Variants in ZSWIM6 observed in about 807,000 individuals in gnomAD.
ZSWIM6 encodes zinc finger SWIM-type containing 6.
A neutral mutation model predicts 113.2 loss-of-function variants in ZSWIM6; 9 were observed. The observed-to-expected ratio is 0.08, with a 90% CI of 0.05 to 0.14. ZSWIM6 has a LOEUF of 0.14. Ranked by LOEUF, ZSWIM6 falls within the 10% of genes least tolerant of loss-of-function variation. The pLI is 1.00. For synonymous variants in ZSWIM6, 611 were observed against 606.5 expected (o/e 1.01, Z -0.11); for missense variants, 1,162 against 1,552.2 (o/e 0.75, Z 4.22).
chr5:61,358,790 C>A (rs925624451), intron 1 of ZSWIM6, among the ~76,000 whole-genome samples: 1 of 152,174 alleles, frequency 6.6e-6, no homozygotes, highest in African/African-American at 2.4e-5. Flanking sequence ...GGTGCTGAGC[C>A]AGACGCTATA....
Position 61,332,485 on chromosome 5 carries a change from C to G in ZSWIM6, c.213C>G (p.Thr71=). Residue 71 remains threonine, a synonymous_variant, in exon 1 of 14, where the codon ACC becomes ACG. Coordinates refer to ENST00000252744, the MANE Select transcript of ZSWIM6 (RefSeq NM_020928.2). ...AALGLLPPGK[T]QSPESLLDIA... ...TGGGGTTGCTGCCGCCGGGCAAGAC[C>G]CAGAGCCCCGAGTCGCTGCTGGACA... The G allele has an allele frequency of 8.1e-7, 1 of 1,232,908 alleles. No individual in the cohort carries two copies. The highest frequency in any genetic ancestry group is 1.0e-6 in the Non-Finnish European group (1 of 957,716). The allele number at this position is 1,232,908 out of a possible 1,614,324, so 76.4% of individuals were successfully genotyped here.
rs1198755037 is a variant in ZSWIM6, at chr5:61,543,548, A to G, written c.2879A>G (p.Asn960Ser). The G allele has an allele frequency of 3.9e-6, 6 of 1,551,244 alleles. No homozygotes were observed. Among genetic ancestry groups the G allele is most frequent in the South Asian group, 1.2e-5 (1 of 84,032 alleles). Reference sequence around the variant, plus strand: ...ATAGTTGCAACTACCGTGATGTCCAACAGCACCATCGTCCGCCTCCACCTG... The same window carrying G: ...ATAGTTGCAACTACCGTGATGTCCAGCAGCACCATCGTCCGCCTCCACCTG... ...TSIVATTVMS[N>S]STIVRLHLDC... is the part of the protein sequence containing the mutation. The change falls in exon 14 of 14, where the codon AAC (asparagine) becomes AGC (serine). Residue 960 changes from asparagine (N) to serine (S), a missense_variant. Coordinates refer to ENST00000252744, the MANE Select transcript of ZSWIM6 (RefSeq NM_020928.2). This position sits in a 1 kb window ranked among gnomAD's most constrained non-coding sequence, Gnocchi z 4.3.
At chr5:61,510,430 G>T (rs953827238) in intron 4 of ZSWIM6, among the ~76,000 whole-genome samples, 1 of 151,798 alleles carries the variant, frequency 6.6e-6, no homozygotes, top group Non-Finnish European at 1.5e-5. Flanking sequence ...TCTCTGACTG[G>T]CTAGGTGTAA....
intron 1 of ZSWIM6, among the ~76,000 whole-genome samples, chr5:61,470,088 CTTAA>C (rs1305101889): frequency 6.6e-6 from 1 of 152,164 alleles, no homozygotes; most frequent in Non-Finnish European, 1.5e-5. Context: ...CGCTTGGATC[CTTAA>C]TTGTCTTGGC....
At chr5:61,514,891 G>T (rs1193302369) in intron 4 of ZSWIM6, among the ~76,000 whole-genome samples, 1 of 152,060 alleles carries the variant, frequency 6.6e-6, no homozygotes, top group East Asian at 1.9e-4. Flanking sequence ...GCCTCATACA[G>T]TGGGAACCCT....
chr5:61,431,196 C>T lies in ZSWIM6; in HGVS notation c.677-41485C>T, dbSNP rs1206207601. 8.7e-5 allele frequency among the ~76,000 whole-genome samples: 13 copies of T among 150,024 alleles called. 1 individual carries two copies. Among genetic ancestry groups the T allele is most frequent in the Admixed American group, 8.6e-4 (13 of 15,030 alleles). Reference sequence around the variant, plus strand: ...ACCAGCCTGGCCAACATGATGAAACCCTGTCTCTACTAAAATACAGAAAAA... The same window carrying T: ...ACCAGCCTGGCCAACATGATGAAACTCTGTCTCTACTAAAATACAGAAAAA... On this transcript the variant is annotated intron_variant, in intron 1 of 13. Coordinates refer to ENST00000252744, the MANE Select transcript of ZSWIM6 (RefSeq NM_020928.2).
At chr5:61,453,314 T>G (rs1454555889) in intron 1 of ZSWIM6, among the ~76,000 whole-genome samples, 3 of 152,070 alleles carry the variant, frequency 2.0e-5, no homozygotes, top group African/African-American at 7.2e-5. Flanking sequence ...AACATATATA[T>G]TACCTCATAC....
At chr5:61,437,326 A>G (rs1041789245) in intron 1 of ZSWIM6, among the ~76,000 whole-genome samples, 1 of 152,212 alleles carries the variant, frequency 6.6e-6, no homozygotes, top group African/African-American at 2.4e-5. Flanking sequence ...ACATGTGAGT[A>G]CAAGCCAGTG....
At chr5:61,508,003 C>G (rs1404751243) in intron 4 of ZSWIM6, among the ~76,000 whole-genome samples, 4 of 152,128 alleles carry the variant, frequency 2.6e-5, no homozygotes, top group Non-Finnish European at 4.4e-5. Flanking sequence ...TTTAGGGGAA[C>G]ATGAATCTTA....
At chr5:61,342,715 A>T (rs1211710781) in intron 1 of ZSWIM6, among the ~76,000 whole-genome samples, 1 of 152,212 alleles carries the variant, frequency 6.6e-6, no homozygotes, top group African/African-American at 2.4e-5. Flanking sequence ...TTTATTTAAA[A>T]ATCATAAGGA....
chr5:61,395,910 C>CT (rs200792174), intron 1 of ZSWIM6, among the ~76,000 whole-genome samples: 33 of 147,322 alleles, frequency 2.2e-4, no homozygotes, highest in East Asian at 3.9e-4. Context: ...TTAAGCTCTA[C>CT]TTTTTTTTTT....
At chr5:61,335,102 G>A (rs1320553552) in intron 1 of ZSWIM6, among the ~76,000 whole-genome samples, 1 of 152,236 alleles carries the variant, frequency 6.6e-6, no homozygotes, top group Non-Finnish European at 1.5e-5. Flanking sequence ...GCTTTCATCA[G>A]TGGAAGAGGC....
At chr5:61,535,400 T>A in intron 9 of ZSWIM6, 84 bp from the exon 10 acceptor site, 1 of 1,445,988 alleles carries the variant, frequency 6.9e-7, no homozygotes, top group Non-Finnish European at 9.4e-7. Context: ...GTTATAACTT[T>A]ATGTGACATT....
chr5:61,512,060 A>T (rs774377314), intron 4 of ZSWIM6, among the ~76,000 whole-genome samples: 1 of 152,100 alleles, frequency 6.6e-6, no homozygotes, highest in African/African-American at 2.4e-5. Context: ...GGACAAATGT[A>T]TATCGTCATG....
chr5:61,377,152 CAG>C (rs1275143017), intron 1 of ZSWIM6, among the ~76,000 whole-genome samples: 1 of 152,032 alleles, frequency 6.6e-6, no homozygotes, highest in Non-Finnish European at 1.5e-5. Flanking sequence ...GCAGAACACA[CAG>C]AACATGATAA....
At chr5:61,541,222 C>T (rs1749728032) in intron 12 of ZSWIM6, among the ~76,000 whole-genome samples, 1 of 152,100 alleles carries the variant, frequency 6.6e-6, no homozygotes, top group Admixed American at 6.6e-5. Context: ...GGATTACAGG[C>T]ATGAGCCACC....
intron 1 of ZSWIM6, among the ~76,000 whole-genome samples, chr5:61,395,023 G>T (rs1745810012): frequency 6.6e-6 from 1 of 152,136 alleles, no homozygotes; most frequent in Non-Finnish European, 1.5e-5. Flanking sequence ...GCACAGTCAT[G>T]ATGAACAAAT....
intron 1 of ZSWIM6, among the ~76,000 whole-genome samples, chr5:61,408,794 C>T (rs191057637): frequency 6.6e-6 from 1 of 152,374 alleles, no homozygotes; most frequent in East Asian, 1.9e-4. Context: ...AAGCTTCCCA[C>T]CAGTGGGTTT....
chr5:61,493,064 G>A (rs1748222784), intron 3 of ZSWIM6, among the ~76,000 whole-genome samples: 1 of 152,082 alleles, frequency 6.6e-6, no homozygotes, highest in Non-Finnish European at 1.5e-5. Flanking sequence ...TTACCCTTGT[G>A]TTTCCTTTTT....
Sources: gnomAD v4.1 joint callset for allele counts (sites outside exome capture counted in the v4.1 genomes callset) on GRCh38, gnomAD v4.1.1 for gene constraint, Gnocchi (gnomAD v3.1) non-coding constraint, MANE v1.5 for transcripts, NCBI Gene and HGNC (gene_info 2026-07-23, HGNC 2026-07-21) for gene names.